The following LIMCH1 variants were observed in gnomAD, a reference collection of about 807,000 sequenced individuals.
The protein encoded by LIMCH1 is LIM and calponin homology domains-containing protein 1.
LIMCH1 carries 113 observed loss-of-function variants against 176.5 expected under a neutral mutation model. That is an observed-to-expected ratio of 0.64 (90% CI 0.55 to 0.75). The LOEUF (loss-of-function observed/expected upper bound fraction) is 0.75. Among genes scored for constraint, LIMCH1 ranks in the 30% least tolerant of loss-of-function variants. The pLI, the probability that LIMCH1 is intolerant of heterozygous loss-of-function variation, is 0.00. For synonymous variants in LIMCH1, 619 were observed against 645.9 expected, an observed-to-expected ratio of 0.96 and a Z score of 0.63; for missense variants, 1,674 against 1,814.9, an observed-to-expected ratio of 0.92 and a Z score of 1.41.
intron 13 of LIMCH1, 142 bp from the exon 14 acceptor site, chr4:41,638,790 T>G: frequency 1.4e-6 from 1 of 737,812 alleles, no homozygotes; most frequent in Non-Finnish European, 2.4e-6. Flanking sequence ...TATTGCTAAT[T>G]GTATAATGCC....
intron 1 of LIMCH1, among the ~76,000 whole-genome samples, chr4:41,455,161 G>A (rs1258291066): frequency 6.6e-6 from 1 of 152,144 alleles, no homozygotes; most frequent in African/African-American, 2.4e-5. Flanking sequence ...GAAAACAATA[G>A]CAGATCATTC....
At chr4:41,654,360 C>CTGAA (rs1240350678) in intron 18 of LIMCH1, among the ~76,000 whole-genome samples, 1 of 152,142 alleles carries the variant, frequency 6.6e-6, no homozygotes, top group Non-Finnish European at 1.5e-5. Context: ...CTATAGTGCA[C>CTGAA]TGAATCTCCA....
Position 41,646,846 on chromosome 4 carries a change from C to T in LIMCH1, c.2773C>T (p.Pro925Ser), listed in dbSNP as rs761921187. The T allele has an allele frequency of 3.7e-6, 6 of 1,614,138 alleles. No individual in the cohort carries two copies. The South Asian group carries it at 6.6e-5, about 18-fold the overall frequency. ...AGCAGTGCCTATGCTGACACCCAAGCCTTACTCCCAGCCCAAAAATTCTCA... is the reference window on the plus strand; with the variant it reads ...AGCAGTGCCTATGCTGACACCCAAGTCTTACTCCCAGCCCAAAAATTCTCA... ...PKAVPMLTPK[P>S]YSQPKNSQDV... The change falls in exon 17 of 32, where the codon CCT becomes TCT. Residue 925 changes from proline (P) to serine (S), a missense_variant. By Grantham distance (74) the Pro-to-Ser change is moderately conservative (BLOSUM62 -1). Around this residue, in one of 3 missense-constraint regions of LIMCH1, gnomAD observed 1,015 missense variants for 1,102.5 expected, o/e 0.92. Transcript: ENST00000503057.
chr4:41,676,613 A>G (rs1454352167), intron 23 of LIMCH1, 151 bp downstream of exon 23: 1 of 647,266 alleles, frequency 1.5e-6, no homozygotes, highest in African/African-American at 1.8e-5. Context: ...GTGTCCTTGT[A>G]ACAGGGTACC....
At chr4:41,695,728 T>A (rs1430492641) in intron 31 of LIMCH1, among the ~76,000 whole-genome samples, 2 of 152,124 alleles carry the variant, frequency 1.3e-5, no homozygotes, top group Non-Finnish European at 2.9e-5. Context: ...CTAATTTCAA[T>A]TAAGTTAACT....
intron 1 of LIMCH1, among the ~76,000 whole-genome samples, chr4:41,587,443 G>A (rs2086683935): frequency 6.6e-6 from 1 of 152,156 alleles, no homozygotes; most frequent in South Asian, 2.1e-4. Context: ...TCCTCTGACG[G>A]GGTGCCAGCC....
intron 4 of LIMCH1, among the ~76,000 whole-genome samples, chr4:41,610,742 C>A (rs1561910733): frequency 6.6e-6 from 1 of 152,104 alleles, no homozygotes; most frequent in Non-Finnish European, 1.5e-5. Flanking sequence ...AGGGGTGGAG[C>A]CAATAGTTAA....
At chr4:41,674,587 A>G (rs1160590930) in intron 22 of LIMCH1, among the ~76,000 whole-genome samples, 1 of 152,246 alleles carries the variant, frequency 6.6e-6, no homozygotes, top group African/African-American at 2.4e-5. Context: ...TCACAGCCCA[A>G]TAAAGACATT....
At chr4:41,613,308 G>A (rs1030078332) in intron 4 of LIMCH1, among the ~76,000 whole-genome samples, 158 bp from the exon 5 acceptor site, 97 of 152,064 alleles carry the variant, frequency 6.4e-4, no homozygotes, top group African/African-American at 2.1e-3. Flanking sequence ...GAACAGAGCA[G>A]TGACTTTTCA....
intron 1 of LIMCH1, among the ~76,000 whole-genome samples, chr4:41,377,145 G>A (rs902615037): frequency 6.6e-6 from 1 of 152,082 alleles, no homozygotes; most frequent in Non-Finnish European, 1.5e-5. Context: ...TCTTGCTCAC[G>A]GGTTGAAGGG....
At chr4:41,531,335 T>A in intron 3 of LIMCH1, among the ~76,000 whole-genome samples, 1 of 152,090 alleles carries the variant, frequency 6.6e-6, no homozygotes, top group Non-Finnish European at 1.5e-5. Context: ...CATGTGGCCA[T>A]ACCTAACAAG....
chr4:41,600,572 C>T (rs1329196905), intron 2 of LIMCH1, among the ~76,000 whole-genome samples: 2 of 152,086 alleles, frequency 1.3e-5, no homozygotes, highest in African/African-American at 4.8e-5. Context: ...AAATTCAAAT[C>T]TCGTATCACC....
chr4:41,487,801 T>C (rs1484646981), intron 1 of LIMCH1, among the ~76,000 whole-genome samples: 13 of 151,440 alleles, frequency 8.6e-5, no homozygotes, highest in Non-Finnish European at 7.4e-5. Flanking sequence ...TACAGGCACC[T>C]GCCACCACGC....
Position 41,604,212 on chromosome 4 carries a change from C to G in LIMCH1, c.-103+307C>G, listed in dbSNP as rs1479451590. ...ATCAGGCTCAATACTAACATTAGCC[C>G]CTTTCCATTTGTAGGCACAGATGGG... is the stretch of plus-strand genomic sequence containing the variant. On this transcript the variant is annotated intron_variant, in intron 3 of 31. Coordinates refer to ENST00000503057, the MANE Select transcript of LIMCH1 (RefSeq NM_001330672.2). The G allele has an allele frequency of 1.4e-5, 14 of 984,962 alleles. 1 individual carries two copies. In the African/African-American group the frequency reaches 2.3e-4, roughly 16 times the overall value. The allele number at this position is 984,962 out of a possible 1,614,324, so 61.0% of individuals were successfully genotyped here.
chr4:41,502,532 G>A (rs145990098), intron 2 of LIMCH1, among the ~76,000 whole-genome samples: 1 of 152,276 alleles, frequency 6.6e-6, no homozygotes, highest in Non-Finnish European at 1.5e-5. Flanking sequence ...CACCAACAGT[G>A]TAAAGCATTC....
Position 41,647,611 on chromosome 4 carries a change from G to A in LIMCH1, c.2820+718G>A, listed in dbSNP as rs115492375. On this transcript the variant is annotated intron_variant, in intron 17 of 31. Transcript: ENST00000503057. The stretch of plus-strand genomic sequence containing the variant: ...CCTTTGTCTTAAGTTCTTTTGACTT[G>A]TAAAGAAAAATCAGTTCCCCTTGTC... Among the ~76,000 whole-genome samples, 8 of 152,300 alleles carry A rather than the reference G, an allele frequency of 5.3e-5. No homozygotes were observed. In the East Asian group the frequency reaches 1.2e-3, roughly 22 times the overall value.
At chr4:41,655,670 G>T (rs1207826016) in intron 18 of LIMCH1, among the ~76,000 whole-genome samples, 2 of 151,890 alleles carry the variant, frequency 1.3e-5, no homozygotes, top group African/African-American at 4.8e-5. Context: ...TCTTCCTGCA[G>T]CTCTTTTTTT....
chr4:41,445,692 G>A (rs2063212114), intron 1 of LIMCH1, among the ~76,000 whole-genome samples: 1 of 152,150 alleles, frequency 6.6e-6, no homozygotes, highest in South Asian at 2.1e-4. Flanking sequence ...CTTTCAAATG[G>A]AATTTATTTA....
rs71198665 is a variant in LIMCH1 at position 41,514,005 on chromosome 4, TAAAAAAAAAAAAAAAA to T, written c.168-10377_168-10362del. ...TGGGTGATAGAGAGAGACTCCGTCT[TAAAAAAAAAAAAAAAA>T]AAAAAAAAAAAAAAAAAAAAAAAAA... On this transcript the variant is annotated intron_variant, in intron 2 of 26. Coordinates refer to the LIMCH1 transcript ENST00000313860. 5.8e-4 allele frequency among the ~76,000 whole-genome samples: 28 copies of T among 48,526 alleles called. 1 individual carries two copies. In the East Asian group the frequency reaches 7.2e-3, roughly 12 times the overall value. The allele number at this position is 48,526 out of a possible 152,430, so 31.8% of individuals were successfully genotyped here.
Sources: gnomAD v4.1 joint callset for allele counts (sites outside exome capture counted in the v4.1 genomes callset) on GRCh38, gnomAD v4.1.1 for gene constraint, gnomAD v4.1.1 regional missense constraint, MANE v1.5 for transcripts, NCBI Gene and HGNC (gene_info 2026-07-23, HGNC 2026-07-21) for gene names.